Variants in PANK2 observed in about 807,000 individuals in gnomAD.
PANK2 encodes the protein pantothenate kinase 2, also known as pantothenate kinase 2, mitochondrial.
In PANK2, 36 loss-of-function variants were observed where a neutral mutation model predicts 43.1. That is an observed-to-expected ratio of 0.84 (90% CI 0.64 to 1.10). The LOEUF (loss-of-function observed/expected upper bound fraction) is 1.10, where lower values mean the gene tolerates loss of function less well. PANK2 is among the 50% of genes least tolerant of loss of function. The probability of loss-of-function intolerance (pLI) is 0.00; values close to 1 mark genes in which losing one functional copy is unlikely to be tolerated. For synonymous variants in PANK2, 281 were observed against 238.2 expected (o/e 1.18, Z -1.66); for missense variants, 576 against 593.3 (o/e 0.97, Z 0.30).
At chr20:3,909,268 CAG>C (rs1488341506) in intron 2 of PANK2, among the ~76,000 whole-genome samples, 1 of 152,076 alleles carries the variant, frequency 6.6e-6, no homozygotes, top group African/African-American at 2.4e-5. Context: ...TTAGTAGAGA[CAG>C]GGTTTCTCCA....
In PANK2 at chr20:3,908,027, A is replaced by G. The variant is rs2090414144; in HGVS notation, c.400A>G (p.Ser134Gly). ...TGAAGAAGAAGAGGAAGAAGTGGAA[A>G]GTCTTAAAAGCATTCGGAAGTACCT... Residue 134 changes from serine (S) to glycine (G), a missense_variant, in exon 2 of 7, where the codon AGT becomes GGT. By Grantham distance (56) the Ser-to-Gly change is moderately conservative (BLOSUM62 0). Transcript: ENST00000610179. 1 of 1,614,184 alleles carries G rather than the reference A, an allele frequency of 6.2e-7. No homozygotes were observed. The highest frequency in any genetic ancestry group is 2.2e-5 in the East Asian group (1 of 44,890).
upstream of PANK2, chr20:3,888,794 CCT>C (rs947333481): frequency 2.4e-5 from 9 of 375,310 alleles, no homozygotes; most frequent in Non-Finnish European, 3.4e-5. Context: ...CCTTCTGGTA[CCT>C]CTCTCTCCAA....
In PANK2 at chr20:3,890,037, C is replaced by T. The variant is rs71647831; in HGVS notation, c.298+309C>T. ...CTTCCTGAGGGTCACATGATTTTAT[C>T]CTCGAGAAGGCTTCTTTTGACTCAT... is the stretch of plus-strand genomic sequence containing the variant. On this transcript the variant is annotated intron_variant, in intron 1 of 6. Coordinates refer to ENST00000610179, the MANE Select transcript of PANK2 (RefSeq NM_001386393.1). 7,507 of 900,810 alleles carry T rather than the reference C, an allele frequency of 8.3e-3. 384 individuals are homozygous for T. In the African/African-American group the frequency reaches 0.11, roughly 14 times the overall value. 55.8% of individuals were successfully genotyped at this position (900,810 alleles called of 1,614,324 possible). A position where few individuals can be genotyped will look rare whatever the true frequency, so the allele number is the denominator to read the frequency against.
chr20:3,898,690 T>G (rs1195626207), intron 1 of PANK2, among the ~76,000 whole-genome samples: 3 of 152,106 alleles, frequency 2.0e-5, no homozygotes, highest in Admixed American at 6.6e-5. Context: ...ATAGATTTAT[T>G]TCTTTGTTTG....
At chr20:3,889,231 G>T (rs200253730), upstream of PANK2, 91 of 1,613,198 alleles carry the variant, frequency 5.6e-5, no homozygotes, top group Middle Eastern at 1.6e-4. Flanking sequence ...TCCCCGCCCC[G>T]TCACGATAGC....
Position 3,924,480 on chromosome 20 carries a change from G to A in PANK2, c.*1186G>A, listed in dbSNP as rs1256668447. On this transcript the variant is annotated 3_prime_UTR_variant, in exon 7 of 7. Coordinates refer to ENST00000610179, the MANE Select transcript of PANK2 (RefSeq NM_001386393.1). ...GCAGAGACACCCGTGTTCCAGCTGGGGCAAGGGGAACTGATATGTGGGCTG... is the reference window on the plus strand; with the variant it reads ...GCAGAGACACCCGTGTTCCAGCTGGAGCAAGGGGAACTGATATGTGGGCTG... The A allele has an allele frequency of 1.3e-5, 2 of 152,436 alleles. No homozygotes were observed. The highest frequency in any genetic ancestry group is 2.9e-5 in the Non-Finnish European group (2 of 68,234). The allele number at this position is 152,436 out of a possible 1,614,324, so 9.4% of individuals were successfully genotyped here. A position where few individuals can be genotyped will look rare whatever the true frequency, so the allele number is the denominator to read the frequency against.
At chr20:3,923,125 T>C (rs1366232474) in intron 6 of PANK2, 119 bp from the exon 7 acceptor site, 1 of 1,202,506 alleles carries the variant, frequency 8.3e-7, no homozygotes, top group Non-Finnish European at 1.2e-6. Flanking sequence ...TCTGGGGTGC[T>C]CAGGAAATGG....
rs549546037 is a variant in PANK2, at chr20:3,926,345, C to G, written c.*3051C>G. On this transcript the variant is annotated 3_prime_UTR_variant, in exon 7 of 7. Coordinates refer to ENST00000610179, the MANE Select transcript of PANK2 (RefSeq NM_001386393.1). ...ACGGAGGAAGCTGCAAAGAAAACGA[C>G]TGCTCAGGGAGAGGCTGGCCAGGGG... is the stretch of plus-strand genomic sequence containing the variant. 3 of 152,438 alleles carry G rather than the reference C, an allele frequency of 2.0e-5. No individual in the cohort carries two copies. The highest frequency in any genetic ancestry group is 7.2e-5 in the African/African-American group (3 of 41,546). The allele number at this position is 152,438 out of a possible 1,614,324, so 9.4% of individuals were successfully genotyped here.
chr20:3,906,195 T>G (rs1355145883), intron 1 of PANK2, among the ~76,000 whole-genome samples: 2 of 151,908 alleles, frequency 1.3e-5, no homozygotes, highest in Non-Finnish European at 2.9e-5. Flanking sequence ...GAGGCTGACC[T>G]GGGTGGACTG....
chr20:3,928,617 C>G lies in PANK2; in HGVS notation c.*5323C>G. 1 of 151,402 alleles carries G rather than the reference C, an allele frequency of 6.6e-6. No individual in the cohort carries two copies. The highest frequency in any genetic ancestry group is 1.5e-5 in the Non-Finnish European group (1 of 67,822). 9.4% of individuals were successfully genotyped at this position (151,402 alleles called of 1,614,324 possible). ...CTAAAAATACAAAAAATTAGCCGAG[C>G]GTGGTGGCGGGCACCTGTTGTCCCA... On this transcript the variant is annotated 3_prime_UTR_variant, in exon 7 of 7. Coordinates refer to ENST00000610179, the MANE Select transcript of PANK2 (RefSeq NM_001386393.1).
chr20:3,900,036 T>G (rs900574025), intron 1 of PANK2, among the ~76,000 whole-genome samples: 11 of 147,918 alleles, frequency 7.4e-5, no homozygotes, highest in African/African-American at 1.7e-4. Flanking sequence ...CATGAGAGAG[T>G]TTTTTTTTTG....
upstream of PANK2, chr20:3,889,213 C>G: frequency 6.2e-7 from 1 of 1,612,808 alleles, no homozygotes; most frequent in Non-Finnish European, 8.5e-7. Flanking sequence ...CCCTCCTCCA[C>G]CACCCTCTCC....
intron 1 of PANK2, among the ~76,000 whole-genome samples, chr20:3,895,783 G>A (rs751519428): frequency 3.9e-5 from 6 of 152,082 alleles, no homozygotes; most frequent in East Asian, 1.9e-4. Context: ...TTAGTAGTTC[G>A]TTACATTTTG....
In PANK2 at chr20:3,910,690, C is replaced by G. The variant is rs1427550015; in HGVS notation, c.765C>G (p.Asn255Lys). 16 of 1,613,984 alleles carry G rather than the reference C, an allele frequency of 9.9e-6. No individual in the cohort carries two copies. Among genetic ancestry groups the G allele is most frequent in the Non-Finnish European group, 1.4e-5 (16 of 1,180,024 alleles). ...GGTCACAGTGCTATTACTTTGAAAA[C>G]CCTGCTGATTCTGAAAAGTGTCAGA... The change falls in exon 3 of 7, where the codon AAC (asparagine) becomes AAG (lysine). Residue 255 changes from asparagine to lysine, a missense_variant. Transcript: ENST00000610179.
intron 6 of PANK2, 138 bp from the exon 7 acceptor site, chr20:3,923,106 C>T (rs369133065): frequency 2.2e-5 from 22 of 982,440 alleles, no homozygotes; most frequent in East Asian, 2.1e-4. Context: ...CCAGGCTGGC[C>T]TTGGCCCTTC....
intron 2 of PANK2, among the ~76,000 whole-genome samples, chr20:3,909,887 C>T (rs551037163): frequency 1.1e-4 from 16 of 152,078 alleles, no homozygotes; most frequent in Admixed American, 3.3e-4. Context: ...CCACCGTGCC[C>T]GGCCGATCCT....
chr20:3,920,403 G>C (rs1332414520), intron 6 of PANK2, among the ~76,000 whole-genome samples: 1 of 152,130 alleles, frequency 6.6e-6, no homozygotes, highest in African/African-American at 2.4e-5. Flanking sequence ...ATAATCCCCA[G>C]CTACTCGGGA....
upstream of PANK2, chr20:3,888,940 ACC>A: frequency 1.7e-5 from 10 of 596,310 alleles, no homozygotes; most frequent in Admixed American, 6.1e-5. Context: ...TCTGCCGACG[ACC>A]AGCGGCCAGA....
chr20:3,903,040 G>T (rs1176205853), intron 1 of PANK2, among the ~76,000 whole-genome samples: 1 of 147,442 alleles, frequency 6.8e-6, no homozygotes, highest in Non-Finnish European at 1.5e-5. Flanking sequence ...CCAAACAAGA[G>T]TTGGGTTACC....
Sources: gnomAD v4.1 joint callset for allele counts (sites outside exome capture counted in the v4.1 genomes callset) on GRCh38, gnomAD v4.1.1 for gene constraint, MANE v1.5 for transcripts, NCBI Gene and HGNC (gene_info 2026-07-23, HGNC 2026-07-21) for gene names.